The following SLC4A10 variants were observed in gnomAD, a reference collection of about 807,000 sequenced individuals.
SLC4A10 encodes sodium-driven chloride bicarbonate exchanger.
In SLC4A10, 42 loss-of-function variants were observed where a neutral mutation model predicts 137.7. The observed-to-expected ratio is 0.30, with a 90% confidence interval of 0.24 to 0.39. The LOEUF (loss-of-function observed/expected upper bound fraction) is 0.39. Among genes scored for constraint, SLC4A10 ranks in the 10% least tolerant of loss-of-function variants. The pLI, the probability that SLC4A10 is intolerant of heterozygous loss-of-function variation, is 1.00. For synonymous variants in SLC4A10, 474 were observed against 464.1 expected (o/e 1.02, Z -0.27); for missense variants, 925 against 1,355.0 (o/e 0.68, Z 4.98).
chr2:161,798,547 C>A (rs2055029309), intron 2 of SLC4A10, among the ~76,000 whole-genome samples: 1 of 151,670 alleles, frequency 6.6e-6, no homozygotes, highest in Non-Finnish European at 1.5e-5. Flanking sequence ...TTAAAATATT[C>A]AATAATTCTG....
intron 1 of SLC4A10, among the ~76,000 whole-genome samples, chr2:161,684,597 A>G (rs1484777746): frequency 6.6e-6 from 1 of 152,226 alleles, no homozygotes; most frequent in Admixed American, 6.5e-5. Flanking sequence ...TTATCTAGTT[A>G]TGTTACCTTG....
chr2:161,880,283 A>G (rs1174582618), intron 9 of SLC4A10, among the ~76,000 whole-genome samples: 1 of 152,174 alleles, frequency 6.6e-6, no homozygotes, highest in African/African-American at 2.4e-5. Flanking sequence ...CTTGATGAAA[A>G]GTTCAGGTAC....
chr2:161,696,331 T>A (rs975648256), intron 1 of SLC4A10, among the ~76,000 whole-genome samples: 2 of 150,378 alleles, frequency 1.3e-5, no homozygotes, highest in Non-Finnish European at 3.0e-5. Context: ...ATACTTTAAG[T>A]TTTAGGGTAC....
chr2:161,962,306 G>A (rs1696861022), intron 21 of SLC4A10, among the ~76,000 whole-genome samples: 1 of 152,110 alleles, frequency 6.6e-6, no homozygotes, highest in Admixed American at 6.5e-5. Context: ...CCAAAGTAAA[G>A]CAAATGTGCC....
intron 1 of SLC4A10, among the ~76,000 whole-genome samples, chr2:161,692,695 T>C (rs1401816943): frequency 6.6e-6 from 1 of 152,084 alleles, no homozygotes; most frequent in East Asian, 1.9e-4. Context: ...ATTTATCAAG[T>C]CCAATGTAGG....
chr2:161,904,262 A>G, intron 13 of SLC4A10, 84 bp downstream of exon 13: 2 of 1,402,810 alleles, frequency 1.4e-6, no homozygotes, highest in South Asian at 2.9e-5. Context: ...TTAATTTTGG[A>G]TTCTTTTCTG....
intron 1 of SLC4A10, among the ~76,000 whole-genome samples, chr2:161,625,639 C>T (rs1176018695): frequency 1.3e-5 from 2 of 152,018 alleles, no homozygotes; most frequent in East Asian, 3.9e-4. Context: ...CAAAATGCTT[C>T]CGTAGGAGGA....
intron 19 of SLC4A10, among the ~76,000 whole-genome samples, chr2:161,952,205 T>C (rs1694921326): frequency 6.6e-6 from 1 of 152,152 alleles, no homozygotes; most frequent in Non-Finnish European, 1.5e-5. Context: ...TAAAACAAAG[T>C]GTGGAAGTGA....
chr2:161,752,369 G>C (rs1167076348), intron 1 of SLC4A10, among the ~76,000 whole-genome samples: 1 of 151,908 alleles, frequency 6.6e-6, no homozygotes, highest in East Asian at 1.9e-4. Flanking sequence ...AATTTAAAAA[G>C]CCTTGCCATA....
intron 1 of SLC4A10, among the ~76,000 whole-genome samples, chr2:161,757,692 C>T (rs949606866): frequency 3.3e-5 from 5 of 152,098 alleles, no homozygotes; most frequent in African/African-American, 1.2e-4. Flanking sequence ...TCTACTGCCT[C>T]TTATAAATCT....
At chr2:161,629,681 G>A (rs964949940) in intron 1 of SLC4A10, among the ~76,000 whole-genome samples, 6 of 151,776 alleles carry the variant, frequency 4.0e-5, no homozygotes, top group Non-Finnish European at 8.8e-5. Context: ...CTGCCCTAAA[G>A]ATCCTCTGTG....
intron 10 of SLC4A10, among the ~76,000 whole-genome samples, chr2:161,889,961 G>T (rs534096497): frequency 6.6e-6 from 1 of 152,288 alleles, no homozygotes; most frequent in African/African-American, 2.4e-5. Context: ...TGCTTCAGCT[G>T]TGTCCCAGAG....
chr2:161,945,461 G>T (rs1693615443), intron 16 of SLC4A10, among the ~76,000 whole-genome samples: 1 of 151,398 alleles, frequency 6.6e-6, no homozygotes, highest in South Asian at 2.1e-4. Context: ...AGAGTAATTA[G>T]TAGAAATCAG....
At chr2:161,841,684 C>A (rs533985314) in intron 4 of SLC4A10, among the ~76,000 whole-genome samples, 1 of 152,094 alleles carries the variant, frequency 6.6e-6, no homozygotes, top group African/African-American at 2.4e-5. Context: ...ACACTAAAAA[C>A]GAGACAACCA....
At chr2:161,849,078 T>G (rs1479880270) in intron 4 of SLC4A10, among the ~76,000 whole-genome samples, 2 of 152,190 alleles carry the variant, frequency 1.3e-5, no homozygotes, top group African/African-American at 4.8e-5. Context: ...TCTGATTTAT[T>G]TCAGCAGTGT....
In SLC4A10 at chr2:161,984,528, G is replaced by A. The variant is rs146552390; in HGVS notation, c.*1376G>A. ...CAGAGCCCTGTGGCTTTTACACACC[G>A]TTAATTATGTACTCTGTTGGAAGTG... On this transcript the variant is annotated 3_prime_UTR_variant, in exon 27 of 27. Coordinates refer to ENST00000446997, the MANE Select transcript of SLC4A10 (RefSeq NM_001178015.2). 5.9e-5 allele frequency: 9 copies of A among 152,114 alleles called. No homozygotes were observed. Among genetic ancestry groups the A allele is most frequent in the African/African-American group, 9.6e-5 (4 of 41,504 alleles). The allele number at this position is 152,114 out of a possible 1,614,324, so 9.4% of individuals were successfully genotyped here.
intron 3 of SLC4A10, among the ~76,000 whole-genome samples, chr2:161,816,670 C>G (rs1269668148): frequency 1.4e-5 from 2 of 144,036 alleles, no homozygotes; most frequent in African/African-American, 5.1e-5. Context: ...TGATGTTCCC[C>G]TTCCTGTGTC....
intron 1 of SLC4A10, among the ~76,000 whole-genome samples, chr2:161,680,685 A>G (rs1436541918): frequency 6.6e-6 from 1 of 152,098 alleles, no homozygotes; most frequent in Non-Finnish European, 1.5e-5. Flanking sequence ...TTATTTATTG[A>G]TTTATTCTCC....
chr2:161,846,783 G>A (rs1387525892), intron 4 of SLC4A10, among the ~76,000 whole-genome samples: 1 of 152,168 alleles, frequency 6.6e-6, no homozygotes, highest in South Asian at 2.1e-4. Flanking sequence ...CAAAAGTATG[G>A]TGATGAAGAA....
Sources: allele counts gnomAD v4.1 joint callset (sites outside exome capture counted in the v4.1 genomes callset), GRCh38; gene constraint gnomAD v4.1.1; transcripts MANE v1.5; gene names NCBI Gene and HGNC (gene_info 2026-07-23, HGNC 2026-07-21).